Variants in INPP4B observed in about 807,000 individuals in gnomAD.
INPP4B encodes inositol polyphosphate 4-phosphatase type II.
A neutral mutation model predicts 122.5 loss-of-function variants in INPP4B; 55 were observed. That is an observed-to-expected ratio of 0.45 (90% CI 0.36 to 0.56). INPP4B has a LOEUF of 0.56. Ranked by LOEUF, INPP4B falls within the 20% of genes least tolerant of loss-of-function variation. INPP4B has a pLI of 0.00. For missense variants in INPP4B, 1,000 were observed against 1,097.7 expected (o/e 0.91, Z 1.26); for synonymous variants, 403 against 388.7 (o/e 1.04, Z -0.43).
chr4:142,270,153 C>T (rs1358106977), intron 10 of INPP4B, among the ~76,000 whole-genome samples: 1 of 152,156 alleles, frequency 6.6e-6, no homozygotes, highest in Non-Finnish European at 1.5e-5. Context: ...TCCTCCAGAG[C>T]TATTCCTTCA....
At chr4:142,539,265 G>A (rs1828656301) in intron 2 of INPP4B, among the ~76,000 whole-genome samples, 1 of 151,676 alleles carries the variant, frequency 6.6e-6, no homozygotes, top group Non-Finnish European at 1.5e-5. Context: ...CAAGAAAAAT[G>A]TTCCTTAGTG....
intron 2 of INPP4B, among the ~76,000 whole-genome samples, chr4:142,537,427 TATAG>T (rs1294024805): frequency 1.9e-3 from 65 of 33,848 alleles, no homozygotes; most frequent in African/African-American, 2.8e-3. Flanking sequence ...TATATATATA[TATAG>T]AGAGAGAGAG....
intron 2 of INPP4B, among the ~76,000 whole-genome samples, chr4:142,623,789 A>G (rs1270781863): frequency 6.7e-6 from 1 of 149,282 alleles, no homozygotes; most frequent in African/African-American, 2.5e-5. Context: ...TCATTGTTCA[A>G]TTCCCACCTA....
intron 2 of INPP4B, among the ~76,000 whole-genome samples, chr4:142,603,149 G>A (rs1311122876): frequency 1.3e-5 from 2 of 152,040 alleles, no homozygotes; most frequent in East Asian, 1.9e-4. Context: ...AATACTGCAT[G>A]TTCTCACTTA....
chr4:142,077,027 G>A (rs1365425187), intron 25 of INPP4B, among the ~76,000 whole-genome samples: 1 of 152,006 alleles, frequency 6.6e-6, no homozygotes, highest in Admixed American at 6.6e-5. Flanking sequence ...AATTGGTTAA[G>A]AGTCATTTAC....
intron 12 of INPP4B, among the ~76,000 whole-genome samples, chr4:142,220,389 T>A (rs1409412989): frequency 6.6e-6 from 1 of 152,206 alleles, no homozygotes; most frequent in Non-Finnish European, 1.5e-5. Flanking sequence ...CCAACCAACA[T>A]AACAAAATTT....
At chr4:142,834,927 C>T (rs926076091) in intron 1 of INPP4B, among the ~76,000 whole-genome samples, 3 of 152,158 alleles carry the variant, frequency 2.0e-5, no homozygotes, top group African/African-American at 4.8e-5. Context: ...CATGGAAATT[C>T]GAGAATCTTA....
Position 142,545,650 on chromosome 4 carries a change from C to T in INPP4B, c.-190-82924G>A, listed in dbSNP as rs115505859. On this transcript the variant is annotated intron_variant, in intron 2 of 25. Coordinates refer to ENST00000262992, the MANE Select transcript of INPP4B (RefSeq NM_001101669.3). ...AATTTTCACATACTATTTTATCTAG[C>T]CTGTGCAAAGAACAAGAGATATTAG... Among the ~76,000 whole-genome samples the T allele has an allele frequency of 2.3e-3, 332 of 145,022 alleles. 1 individual carries two copies. Among genetic ancestry groups the T allele is most frequent in the South Asian group, 0.011 (50 of 4,732 alleles).
intron 5 of INPP4B, among the ~76,000 whole-genome samples, chr4:142,415,123 A>G (rs1281083821): frequency 1.3e-5 from 2 of 152,100 alleles, no homozygotes; most frequent in African/African-American, 4.8e-5. Flanking sequence ...AACAACTACC[A>G]CTGATATGGG....
intron 7 of INPP4B, among the ~76,000 whole-genome samples, chr4:142,377,207 T>C (rs1037708542): frequency 6.6e-6 from 1 of 152,070 alleles, no homozygotes; most frequent in South Asian, 2.1e-4. Context: ...TAAACATTGG[T>C]CCATTTCACG....
At chr4:142,311,113 T>C (rs1402644089) in intron 8 of INPP4B, among the ~76,000 whole-genome samples, 1 of 152,194 alleles carries the variant, frequency 6.6e-6, no homozygotes, top group African/African-American at 2.4e-5. Flanking sequence ...GAGCCATTAC[T>C]GGCTCTGTCC....
intron 7 of INPP4B, among the ~76,000 whole-genome samples, chr4:142,360,289 C>G (rs749921780): frequency 6.6e-6 from 1 of 151,888 alleles, no homozygotes; most frequent in Non-Finnish European, 1.5e-5. Context: ...AGATATAAAA[C>G]CAGGGTCAAA....
intron 2 of INPP4B, among the ~76,000 whole-genome samples, chr4:142,689,481 C>G (rs2150716122): frequency 6.6e-6 from 1 of 152,272 alleles, no homozygotes; most frequent in Admixed American, 6.5e-5. Flanking sequence ...CTAGTGATTT[C>G]AACAATCAGT....
At chr4:142,303,617 T>C (rs1261140140) in intron 9 of INPP4B, among the ~76,000 whole-genome samples, 1 of 152,080 alleles carries the variant, frequency 6.6e-6, no homozygotes. Flanking sequence ...ATAATCTGTC[T>C]GGTTCATAGG....
intron 9 of INPP4B, among the ~76,000 whole-genome samples, chr4:142,278,873 A>G (rs1036267305): frequency 1.3e-5 from 2 of 151,982 alleles, no homozygotes; most frequent in Non-Finnish European, 2.9e-5. Context: ...TCTATGAACC[A>G]GAACACCACA....
intron 2 of INPP4B, among the ~76,000 whole-genome samples, chr4:142,687,172 A>C (rs1006908249): frequency 1.2e-4 from 19 of 152,092 alleles, no homozygotes; most frequent in Admixed American, 7.9e-4. Context: ...GAATTGACCG[A>C]CTGACGAGGA....
intron 1 of INPP4B, among the ~76,000 whole-genome samples, chr4:142,802,806 T>C (rs1778174904): frequency 6.6e-6 from 1 of 151,286 alleles, no homozygotes; most frequent in Non-Finnish European, 1.5e-5. Flanking sequence ...TTAAAAGTGG[T>C]ATTGACTATT....
intron 1 of INPP4B, among the ~76,000 whole-genome samples, chr4:142,801,167 T>G (rs1777952397): frequency 6.6e-6 from 1 of 152,036 alleles, no homozygotes; most frequent in South Asian, 2.1e-4. Flanking sequence ...GGAGGTATGG[T>G]CAAAAGCGGA....
At chr4:142,153,807 A>G (rs889466372) in intron 17 of INPP4B, among the ~76,000 whole-genome samples, 10 of 152,304 alleles carry the variant, frequency 6.6e-5, no homozygotes, top group East Asian at 5.8e-4. Context: ...TATAGGTGAA[A>G]ATATTAACTG....
Sources: gnomAD v4.1 joint callset for allele counts (sites outside exome capture counted in the v4.1 genomes callset) on GRCh38, gnomAD v4.1.1 for gene constraint, MANE v1.5 for transcripts, NCBI Gene and HGNC (gene_info 2026-07-23, HGNC 2026-07-21) for gene names.